Variants in TGFA observed in about 807,000 individuals in gnomAD.
TGFA encodes the protein protransforming growth factor alpha.
TGFA carries 12 observed loss-of-function variants against 21.7 expected under a neutral mutation model. The observed-to-expected ratio is 0.55, with a 90% confidence interval of 0.35 to 0.90. TGFA has a LOEUF of 0.90. Among genes scored for constraint, TGFA ranks in the 40% least tolerant of loss-of-function variants. The pLI is 0.01. For missense variants in TGFA, 178 were observed against 210.8 expected, an observed-to-expected ratio of 0.84 and a Z score of 0.96; for synonymous variants, 79 against 88.1, an observed-to-expected ratio of 0.90 and a Z score of 0.58.
chr2:70,504,441 T>TATAA (rs1671841146), intron 2 of TGFA, among the ~76,000 whole-genome samples: 4 of 71,002 alleles, frequency 5.6e-5, no homozygotes, highest in Admixed American at 5.4e-4. Context: ...CAAATATATA[T>TATAA]ATATATATAT....
At chr2:70,513,912 G>A (rs1672183121) in intron 2 of TGFA, among the ~76,000 whole-genome samples, 1 of 152,172 alleles carries the variant, frequency 6.6e-6, no homozygotes, top group Non-Finnish European at 1.5e-5. Context: ...ACACTGCTGG[G>A]AGAAATCAGC....
At position 70,514,918 on chromosome 2, in the gene TGFA, G is replaced by A. The variant is rs372024014; in HGVS notation, c.41-6C>T. The stretch of plus-strand genomic sequence containing the variant: ...GCACGCAGCCAACACAATACCTGTT[G>A]GGTGGAGGAGAAGAGGGAAAAGGTC... On this transcript the variant is annotated splice_region_variant and splice_polypyrimidine_tract_variant and intron_variant, in intron 1 of 5. Coordinates refer to ENST00000295400, the MANE Select transcript of TGFA (RefSeq NM_003236.4). 5 of 1,613,514 alleles carry A rather than the reference G, an allele frequency of 3.1e-6. No individual in the cohort carries two copies. The highest frequency in any genetic ancestry group is 4.2e-6 in the Non-Finnish European group (5 of 1,179,842).
At position 70,449,910 on chromosome 2, in the gene TGFA, C is replaced by T. The variant is rs905347192; in HGVS notation, c.*949G>A. 1 of 152,578 alleles carries T rather than the reference C, an allele frequency of 6.6e-6. No individual in the cohort carries two copies. The highest frequency in any genetic ancestry group is 1.5e-5 in the Non-Finnish European group (1 of 68,318). The allele number at this position is 152,578 out of a possible 1,614,324, so 9.5% of individuals were successfully genotyped here. On this transcript the variant is annotated 3_prime_UTR_variant, in exon 6 of 6. Coordinates refer to ENST00000295400, the MANE Select transcript of TGFA (RefSeq NM_003236.4). ...GGTTTATCCTGTGTAGACACACACACTCTTCCTCTCTCCCCAACAGAGGGG... is the reference window on the plus strand; with the variant it reads ...GGTTTATCCTGTGTAGACACACACATTCTTCCTCTCTCCCCAACAGAGGGG...
intron 2 of TGFA, among the ~76,000 whole-genome samples, chr2:70,475,911 A>G (rs1670906941): frequency 6.6e-6 from 1 of 151,932 alleles, no homozygotes; most frequent in South Asian, 2.1e-4. Flanking sequence ...CCTGCCAATC[A>G]CCATTCTACA....
At chr2:70,478,734 C>G (rs1461012919) in intron 2 of TGFA, among the ~76,000 whole-genome samples, 3 of 152,164 alleles carry the variant, frequency 2.0e-5, no homozygotes, top group African/African-American at 7.2e-5. Flanking sequence ...GCTGTCTTAT[C>G]ACTGAGAAGA....
intron 2 of TGFA, among the ~76,000 whole-genome samples, chr2:70,479,900 A>G (rs1480627403): frequency 1.3e-5 from 2 of 152,244 alleles, no homozygotes; most frequent in Non-Finnish European, 2.9e-5. Flanking sequence ...TAGAGGCATT[A>G]GTTGAAATTC....
intron 2 of TGFA, among the ~76,000 whole-genome samples, chr2:70,466,345 A>G (rs995961228): frequency 6.6e-6 from 1 of 152,158 alleles, no homozygotes; most frequent in African/African-American, 2.4e-5. Flanking sequence ...GTCTCTACTA[A>G]AAATACAAAA....
At chr2:70,467,702 A>G (rs1670612512) in intron 2 of TGFA, 1 of 152,148 alleles carries the variant, frequency 6.6e-6, no homozygotes, top group South Asian at 2.1e-4. Flanking sequence ...GCTCTCTGAG[A>G]AAGGACAGAA....
chr2:70,534,125 A>T (rs575247012), intron 1 of TGFA, among the ~76,000 whole-genome samples: 1 of 152,340 alleles, frequency 6.6e-6, no homozygotes, highest in East Asian at 1.9e-4. Flanking sequence ...CTGCCAGCTG[A>T]ATGAAGTTCT....
chr2:70,538,496 C>A (rs1673039520), intron 1 of TGFA, among the ~76,000 whole-genome samples: 1 of 152,058 alleles, frequency 6.6e-6, no homozygotes, highest in Non-Finnish European at 1.5e-5. Flanking sequence ...GTCAAAATAT[C>A]AACATTAATA....
At chr2:70,523,547 G>A (rs918469906) in intron 1 of TGFA, among the ~76,000 whole-genome samples, 5 of 152,060 alleles carry the variant, frequency 3.3e-5, no homozygotes, top group Admixed American at 2.6e-4. Flanking sequence ...ACTGCCTGAC[G>A]TCATTTCTAC....
intron 2 of TGFA, among the ~76,000 whole-genome samples, chr2:70,514,255 C>T (rs187692856): frequency 6.2e-4 from 94 of 152,208 alleles, no homozygotes; most frequent in African/African-American, 2.0e-3. Context: ...CAGGACTACT[C>T]GTATAAAAAT....
chr2:70,515,471 AGCTGG>A (rs1553501486), intron 1 of TGFA, among the ~76,000 whole-genome samples: 1 of 152,132 alleles, frequency 6.6e-6, no homozygotes, highest in East Asian at 1.9e-4. Flanking sequence ...GTTTCCTTCC[AGCTGG>A]CAGCCGGGCC....
At chr2:70,533,289 C>A (rs377672890) in intron 1 of TGFA, among the ~76,000 whole-genome samples, 2 of 152,286 alleles carry the variant, frequency 1.3e-5, no homozygotes, top group East Asian at 1.9e-4. Context: ...CCCAAAGGGA[C>A]TGCTCTGTTA....
Position 70,456,419 on chromosome 2 carries a change from C to T in TGFA, c.285G>A (p.Gln95=), listed in dbSNP as rs1553490558. The T allele has an allele frequency of 6.3e-7, 1 of 1,599,686 alleles. No individual in the cohort carries two copies. The highest frequency in any genetic ancestry group is 1.1e-5 in the South Asian group (1 of 87,958). Residue 95 remains glutamine (Q), a synonymous_variant, in exon 4 of 6, where the codon CAG becomes CAA. Transcript: ENST00000295400. ...ADLLAVVAAS[Q]KKQAITALVV... is the part of the protein sequence containing the mutation. ...CCAAGGCGGTGATGGCCTGCTTCTT[C>T]TGGCTGGCAGCCACCACGGCCAGGA...
chr2:70,511,930 CTT>C (rs1218659191), intron 2 of TGFA, among the ~76,000 whole-genome samples: 2 of 149,226 alleles, frequency 1.3e-5, no homozygotes, highest in African/African-American at 2.5e-5. Flanking sequence ...CACACACACA[CTT>C]GCTACAATGA....
chr2:70,530,244 G>T (rs1672776007), intron 1 of TGFA, among the ~76,000 whole-genome samples: 1 of 152,196 alleles, frequency 6.6e-6, no homozygotes, highest in Admixed American at 6.5e-5. Flanking sequence ...ATCTTATCTT[G>T]GTCTGGATAG....
At chr2:70,544,150 A>G (rs939900504) in intron 1 of TGFA, among the ~76,000 whole-genome samples, 8 of 152,106 alleles carry the variant, frequency 5.3e-5, no homozygotes, top group Non-Finnish European at 1.2e-4. Flanking sequence ...TATATAATAT[A>G]TAACCAAAAA....
intron 1 of TGFA, among the ~76,000 whole-genome samples, chr2:70,541,726 A>G (rs1553505211): frequency 6.6e-6 from 1 of 152,034 alleles, no homozygotes; most frequent in Non-Finnish European, 1.5e-5. Flanking sequence ...GATGAGATTC[A>G]GAGAGAGTCC....
Sources: allele counts gnomAD v4.1 joint callset (sites outside exome capture counted in the v4.1 genomes callset), GRCh38; gene constraint gnomAD v4.1.1; transcripts MANE v1.5; gene names NCBI Gene and HGNC (gene_info 2026-07-23, HGNC 2026-07-21).